LY75: variants seen among roughly 807,000 people sequenced by gnomAD.
LY75 encodes C-type lectin domain family 13 member B.
A neutral mutation model predicts 231.7 loss-of-function variants in LY75; 185 were observed. The observed-to-expected ratio is 0.80, with a 90% CI of 0.71 to 0.90. LY75 has a LOEUF of 0.90. LY75 is among the 40% of genes least tolerant of loss of function. The pLI is 0.00. For synonymous variants in LY75, 668 were observed against 689.0 expected (o/e 0.97, Z 0.48); for missense variants, 1,947 against 2,050.2 (o/e 0.95, Z 0.97).
Position 159,850,138 on chromosome 2 carries a change from A to C in LY75, c.2992T>G (p.Phe998Val). The part of the protein sequence containing the change: ...PSVLSQIEQD[F>V]ITSLLPDMEA... ...ATATCCGGAAGCAAGGATGTAATAA[A>C]GTCTGTTAGAAAGAGATTTTTAAAA... The change falls in exon 23 of 35, where the codon TTT becomes GTT. Residue 998 changes from phenylalanine (F) to valine (V), a missense_variant and splice_region_variant. Phe to Val is a conservative substitution (Grantham distance 50, BLOSUM62 -1). Transcript: ENST00000263636. 6.2e-7 allele frequency: 1 copy of C among 1,601,592 alleles called. No individual in the cohort carries two copies. Among genetic ancestry groups the C allele is most frequent in the Non-Finnish European group, 8.5e-7 (1 of 1,177,082 alleles).
intron 23 of LY75, among the ~76,000 whole-genome samples, chr2:159,845,111 G>A (rs755274387): frequency 6.6e-6 from 1 of 152,108 alleles, no homozygotes; most frequent in Non-Finnish European, 1.5e-5. Context: ...ATGAGAAAGA[G>A]ATGGAACTAT....
intron 28 of LY75, among the ~76,000 whole-genome samples, chr2:159,821,204 A>AT (rs1231774183): frequency 8.7e-6 from 1 of 114,472 alleles, no homozygotes; most frequent in East Asian, 2.2e-4. Context: ...TCTAAACTGG[A>AT]TATCCACATG....
At chr2:159,904,446 T>A in intron 1 of LY75, 143 bp downstream of exon 1, 1 of 971,178 alleles carries the variant, frequency 1.0e-6, no homozygotes, top group Non-Finnish European at 1.4e-6. Flanking sequence ...CGACTCACTC[T>A]TCCGGCTCCA....
At chr2:159,869,164 G>A (rs1269872602) in intron 13 of LY75, among the ~76,000 whole-genome samples, 1 of 152,032 alleles carries the variant, frequency 6.6e-6, no homozygotes. Flanking sequence ...CAGAGTGATG[G>A]GGGAGGGATA....
intron 13 of LY75, among the ~76,000 whole-genome samples, chr2:159,866,257 C>T (rs969239948): frequency 1.3e-5 from 2 of 152,094 alleles, no homozygotes; most frequent in African/African-American, 4.8e-5. Context: ...GAATCAAAGG[C>T]TGAAACAAAG....
At chr2:159,843,687 T>C (rs1684111628) in intron 23 of LY75, among the ~76,000 whole-genome samples, 1 of 152,174 alleles carries the variant, frequency 6.6e-6, no homozygotes, top group African/African-American at 2.4e-5. Context: ...CTAGGCAATC[T>C]GACTCCAGAG....
Position 159,882,137 on chromosome 2 carries a change from T to A in LY75, c.1233A>T (p.Lys411Asn). Reference protein sequence around the residue: ...SLADVEVVVTKLHNEDIKEEV... With the variant: ...SLADVEVVVTNLHNEDIKEEV... ...TTAAAAACTTACCCTCATTATGGAGTTTTGTGACAACCACCTCCACATCTG... is the reference window on the plus strand; with the variant it reads ...TTAAAAACTTACCCTCATTATGGAGATTTGTGACAACCACCTCCACATCTG... Residue 411 changes from lysine (K) to asparagine (N), a missense_variant, in exon 7 of 35, where the codon AAA (lysine) becomes AAT (asparagine). Lys to Asn is a moderately conservative substitution (Grantham distance 94). Transcript: ENST00000263636. 1.9e-6 allele frequency: 3 copies of A among 1,612,214 alleles called. No homozygotes were observed. Among genetic ancestry groups the A allele is most frequent in the Non-Finnish European group, 2.5e-6 (3 of 1,179,184 alleles).
Position 159,875,504 on chromosome 2 carries a change from C to CT in LY75, c.1913dup (p.Pro639AlafsTer2), listed in dbSNP as rs1685239680. 4 of 1,613,862 alleles carry CT rather than the reference C, an allele frequency of 2.5e-6. No individual in the cohort carries two copies. The highest frequency in any genetic ancestry group is 1.7e-5 in the Admixed American group (1 of 59,972). On this transcript the variant is annotated frameshift_variant, in exon 12 of 35. Transcript: ENST00000263636. LOFTEE classifies it high-confidence loss of function. ...AGCCTTCAGGACAGGGGTCATCAGG[C>CT]TTAGGGGATGCTTCTTCAGGCCCAA...
intron 23 of LY75, among the ~76,000 whole-genome samples, chr2:159,846,635 A>C (rs770271345): frequency 2.6e-5 from 4 of 152,228 alleles, no homozygotes; most frequent in Non-Finnish European, 5.9e-5. Context: ...GCAACAGAGG[A>C]AAAATAAAAA....
Position 159,821,215 on chromosome 2 carries a change from T to TA in LY75, c.3959-1296dup, listed in dbSNP as rs35783239. ...GTCTTCTAAACTGGATATCCACATG[T>TA]AAAAAAAAAAAAAAAATGAAGTTGG... is the stretch of plus-strand genomic sequence containing the variant. On this transcript the variant is annotated intron_variant, in intron 28 of 34. Transcript: ENST00000263636. Among the ~76,000 whole-genome samples the TA allele has an allele frequency of 2.9e-3, 421 of 144,454 alleles. 2 individuals carry two copies. Among genetic ancestry groups the TA allele is most frequent in the Admixed American group, 4.9e-3 (70 of 14,422 alleles). 94.8% of individuals were successfully genotyped at this position (144,454 alleles called of 152,430 possible).
chr2:159,844,323 TAAAAA>T (rs66740962), intron 23 of LY75, among the ~76,000 whole-genome samples: 8 of 133,418 alleles, frequency 6.0e-5, no homozygotes, highest in Admixed American at 1.5e-4. Flanking sequence ...GGCCTAATGG[TAAAAA>T]AAAAAAAAAA....
intron 28 of LY75, among the ~76,000 whole-genome samples, chr2:159,828,066 T>C (rs1205238890): frequency 6.7e-6 from 1 of 148,806 alleles, no homozygotes; most frequent in Non-Finnish European, 1.5e-5. Context: ...GTAACAAAAC[T>C]GCACGTTCTA....
At position 159,858,416 on chromosome 2, in the gene LY75, A is replaced by G; in HGVS notation, c.2329T>C (p.Leu777=). ...HFYDDREFIY[L]RPFACDTKLE... ...TTTGTATCACAAGCAAAAGGCCTCA[A>G]ATAAATAAATTCTCTATCATCATAG... The change falls in exon 16 of 35, where the codon TTG becomes CTG. Residue 777 remains leucine, a synonymous_variant. Coordinates refer to ENST00000263636, the MANE Select transcript of LY75 (RefSeq NM_002349.4). 6.2e-7 allele frequency: 1 copy of G among 1,613,764 alleles called. No homozygotes were observed. Among genetic ancestry groups the G allele is most frequent in the Middle Eastern group, 1.7e-4 (1 of 6,058 alleles).
intron 28 of LY75, among the ~76,000 whole-genome samples, chr2:159,826,018 T>C (rs1405791376): frequency 6.6e-6 from 1 of 152,116 alleles, no homozygotes; most frequent in Non-Finnish European, 1.5e-5. Flanking sequence ...GGGCAAAAAC[T>C]GGAAGCATTC....
intron 23 of LY75, among the ~76,000 whole-genome samples, chr2:159,848,688 A>T (rs1468864653): frequency 1.3e-5 from 2 of 152,220 alleles, no homozygotes. Context: ...GAAAAGCCCT[A>T]GAAGAAAAGA....
chr2:159,836,442 C>A (rs1045570623), intron 25 of LY75, among the ~76,000 whole-genome samples: 6 of 152,142 alleles, frequency 3.9e-5, no homozygotes, highest in Admixed American at 3.3e-4. Flanking sequence ...TGCCAAGGTC[C>A]TGACCACCCA....
intron 4 of LY75, among the ~76,000 whole-genome samples, chr2:159,888,801 C>A (rs1053961739): frequency 1.3e-5 from 2 of 152,164 alleles, no homozygotes; most frequent in East Asian, 3.8e-4. Context: ...GTCAAACTGA[C>A]TCTTCAAATT....
Position 159,899,055 on chromosome 2 carries a change from A to G in LY75, c.99T>C (p.Asn33=). ...DLAEPSGRAA[N]DPFTIVHGNT... is the part of the protein sequence containing the mutation. ...TTCCATGGACGATGGTGAAGGGGTC[A>G]TTAGCTGAGTCAAATGGACAGACAG... The change falls in exon 2 of 35, where the codon AAT becomes AAC. Residue 33 remains asparagine, a synonymous_variant. Coordinates refer to ENST00000263636, the MANE Select transcript of LY75 (RefSeq NM_002349.4). 1 of 1,610,312 alleles carries G rather than the reference A, an allele frequency of 6.2e-7. No individual in the cohort carries two copies. Among genetic ancestry groups the G allele is most frequent in the Non-Finnish European group, 8.5e-7 (1 of 1,178,224 alleles).
chr2:159,808,355 A>C, intron 33 of LY75, 94 bp downstream of exon 33: 11 of 1,596,598 alleles, frequency 6.9e-6, no homozygotes, highest in Non-Finnish European at 9.4e-6. Context: ...CATCTGAATT[A>C]GCCACTACTT....
Sources: gnomAD v4.1 joint callset for allele counts (sites outside exome capture counted in the v4.1 genomes callset) on GRCh38, gnomAD v4.1.1 for gene constraint, MANE v1.5 for transcripts, NCBI Gene and HGNC (gene_info 2026-07-23, HGNC 2026-07-21) for gene names.